Variants in LIMS1 observed in about 807,000 individuals in gnomAD.
LIMS1 encodes LIM and senescent cell antigen-like-containing domain protein 1.
In LIMS1, 18 loss-of-function variants were observed where a neutral mutation model predicts 44.1. The observed-to-expected ratio is 0.41, with a 90% CI of 0.28 to 0.61. The LOEUF (loss-of-function observed/expected upper bound fraction) is 0.61. Among genes scored for constraint, LIMS1 ranks in the 20% least tolerant of loss-of-function variants. The pLI is 0.32. For synonymous variants in LIMS1, 93 were observed against 149.1 expected (o/e 0.62, Z 2.74); for missense variants, 201 against 422.0 (o/e 0.48, Z 4.59).
At chr2:108,615,490 C>T (rs903339314) in intron 1 of LIMS1, among the ~76,000 whole-genome samples, 2 of 152,026 alleles carry the variant, frequency 1.3e-5, no homozygotes, top group African/African-American at 4.8e-5. Context: ...CTAGGGTGAT[C>T]AGCATGCCTT....
At chr2:108,592,620 A>G (rs556224350) in intron 1 of LIMS1, among the ~76,000 whole-genome samples, 16 of 152,134 alleles carry the variant, frequency 1.1e-4, no homozygotes, top group Non-Finnish European at 2.4e-4. Context: ...CACTTATTTA[A>G]CAGTTTCAGA....
chr2:108,665,396 A>C (rs1019123781), intron 2 of LIMS1, among the ~76,000 whole-genome samples: 7 of 152,214 alleles, frequency 4.6e-5, no homozygotes, highest in African/African-American at 1.7e-4. Context: ...CAGTAAATAT[A>C]CCATATACCA....
chr2:108,595,268 T>C (rs1686616800), intron 1 of LIMS1, among the ~76,000 whole-genome samples: 2 of 152,190 alleles, frequency 1.3e-5, no homozygotes, highest in Non-Finnish European at 2.9e-5. Context: ...CCACAGCCTT[T>C]AATGTATGTG....
intron 1 of LIMS1, among the ~76,000 whole-genome samples, chr2:108,629,574 AC>A (rs2148891321): frequency 6.6e-6 from 1 of 152,338 alleles, no homozygotes; most frequent in South Asian, 2.1e-4. Flanking sequence ...GTGGGTGGTT[AC>A]TGTGTTTGTT....
chr2:108,674,068 C>T (rs1573612953), intron 5 of LIMS1: 3 of 152,326 alleles, frequency 2.0e-5, no homozygotes, highest in Admixed American at 2.0e-4. Context: ...TGGCTCACAC[C>T]TGTAATCCCA....
chr2:108,618,967 AAGTC>A (rs1573464706), intron 1 of LIMS1, among the ~76,000 whole-genome samples: 1 of 152,030 alleles, frequency 6.6e-6, no homozygotes, highest in Non-Finnish European at 1.5e-5. Flanking sequence ...GCCTTTTTAA[AAGTC>A]AGAGGGCAAG....
chr2:108,621,121 C>A, intron 1 of LIMS1: 1 of 529,596 alleles, frequency 1.9e-6, no homozygotes. Context: ...GTCACCGCTT[C>A]CCCCCTCCCC....
chr2:108,586,574 G>T (rs773287419), intron 1 of LIMS1, among the ~76,000 whole-genome samples: 34 of 152,204 alleles, frequency 2.2e-4, no homozygotes, highest in Non-Finnish European at 4.7e-4. Flanking sequence ...GTCCTTATGC[G>T]AGTGGCGCAT....
Position 108,567,633 on chromosome 2 carries a change from G to A in LIMS1, c.32+33039G>A, listed in dbSNP as rs148689279. The stretch of plus-strand genomic sequence containing the variant: ...GTCATCCAGGCTGGAGTGCAATGTC[G>A]TGATCTTGGCTTACTACAACCTCTG... On this transcript the variant is annotated intron_variant, in intron 1 of 9. Coordinates refer to ENST00000544547, the Ensembl canonical transcript of LIMS1. Among the ~76,000 whole-genome samples the A allele has an allele frequency of 3.9e-5, 6 of 152,176 alleles. No individual in the cohort carries two copies. The East Asian group carries it at 9.7e-4, about 24-fold the overall frequency.
chr2:108,663,640 TC>T (rs1342835581), intron 2 of LIMS1, among the ~76,000 whole-genome samples: 6 of 152,324 alleles, frequency 3.9e-5, no homozygotes, highest in Non-Finnish European at 7.3e-5. Flanking sequence ...AGGGCTGGGT[TC>T]TTTGTTGGTG....
At chr2:108,610,148 A>ATGTGTGTG (rs60571292) in intron 1 of LIMS1, among the ~76,000 whole-genome samples, 297 of 143,374 alleles carry the variant, frequency 2.1e-3, no homozygotes, top group Non-Finnish European at 2.3e-3. Flanking sequence ...GTTACAAAAA[A>ATGTGTGTG]TGTGTGTGTG....
chr2:108,570,751 A>G (rs558489276), intron 1 of LIMS1, among the ~76,000 whole-genome samples: 2 of 152,282 alleles, frequency 1.3e-5, no homozygotes, highest in African/African-American at 4.8e-5. Flanking sequence ...GGAGGTCCGC[A>G]GTGCTGAGAG....
chr2:108,650,978 T>C (rs1039550987), intron 1 of LIMS1, among the ~76,000 whole-genome samples: 4 of 152,134 alleles, frequency 2.6e-5, no homozygotes, highest in African/African-American at 9.7e-5. Flanking sequence ...AAGTTCCATA[T>C]GTCCAGGAAT....
At chr2:108,645,457 A>G (rs1689993786) in intron 1 of LIMS1, among the ~76,000 whole-genome samples, 1 of 152,178 alleles carries the variant, frequency 6.6e-6, no homozygotes, top group South Asian at 2.1e-4. Context: ...ACAGTTTGTC[A>G]CCACCAGGCC....
At chr2:108,591,436 G>A (rs184909271) in intron 1 of LIMS1, among the ~76,000 whole-genome samples, 6 of 152,160 alleles carry the variant, frequency 3.9e-5, no homozygotes, top group African/African-American at 7.2e-5. Context: ...AGAAAAAAGA[G>A]GAAGCCTTCA....
intron 1 of LIMS1, among the ~76,000 whole-genome samples, chr2:108,546,169 A>G (rs1165409584): frequency 6.6e-6 from 1 of 150,664 alleles, no homozygotes; most frequent in Admixed American, 6.6e-5. Flanking sequence ...ATAGTCCTTC[A>G]CTTTTGGATG....
chr2:108,629,811 G>C (rs1173815794), intron 1 of LIMS1, among the ~76,000 whole-genome samples: 2 of 152,200 alleles, frequency 1.3e-5, no homozygotes, highest in African/African-American at 4.8e-5. Flanking sequence ...AAGGCTATGT[G>C]GCCTAGACTG....
chr2:108,630,206 AAAAAAAAAAG>A lies in LIMS1; in HGVS notation c.33-29395_33-29386del, dbSNP rs1038289170. 5.9e-5 allele frequency among the ~76,000 whole-genome samples: 9 copies of A among 151,388 alleles called. No individual in the cohort carries two copies. The South Asian group carries it at 6.3e-4, about 11-fold the overall frequency. On this transcript the variant is annotated intron_variant, in intron 1 of 9. Transcript: ENST00000544547. ...AGACCCTGTCTCAAAAAAAAAAAAA[AAAAAAAAAAG>A]AAAGAAAAGAAAACCAGAAGACAGC...
chr2:108,541,011 T>C (rs1684298199), intron 1 of LIMS1, among the ~76,000 whole-genome samples: 1 of 152,208 alleles, frequency 6.6e-6, no homozygotes, highest in South Asian at 2.1e-4. Flanking sequence ...TCTGAATGAA[T>C]TATGGATATT....
Sources: allele counts gnomAD v4.1 joint callset (sites outside exome capture counted in the v4.1 genomes callset), GRCh38; gene constraint gnomAD v4.1.1; transcripts MANE v1.5; gene names NCBI Gene and HGNC (gene_info 2026-07-23, HGNC 2026-07-21).